Variants in ELMO1 observed in about 807,000 individuals in gnomAD.
ELMO1 encodes engulfment and cell motility protein 1.
Under a neutral mutation model 98.9 loss-of-function variants are expected in ELMO1, and 26 were observed. That is an observed-to-expected ratio of 0.26 (90% confidence interval 0.19 to 0.36). ELMO1 has a LOEUF of 0.36. ELMO1 is among the 10% of genes least tolerant of loss of function. The pLI is 1.00. For synonymous variants in ELMO1, 346 were observed against 346.0 expected (o/e 1.00, Z 0.00); for missense variants, 627 against 935.2 (o/e 0.67, Z 4.30).
intron 13 of ELMO1, among the ~76,000 whole-genome samples, chr7:37,152,828 T>C (rs1341426533): frequency 1.4e-4 from 21 of 152,224 alleles, no homozygotes; most frequent in Admixed American, 2.6e-4. Context: ...TCTACTTAGA[T>C]GTGAGCATGT....
intron 1 of ELMO1, among the ~76,000 whole-genome samples, chr7:37,360,670 C>A (rs1375221562): frequency 6.6e-6 from 1 of 152,140 alleles, no homozygotes; most frequent in Non-Finnish European, 1.5e-5. Context: ...GATTTCAACC[C>A]AATACTCAGC....
chr7:37,296,579 G>T (rs1437570238), intron 4 of ELMO1, among the ~76,000 whole-genome samples: 1 of 152,164 alleles, frequency 6.6e-6, no homozygotes, highest in African/African-American at 2.4e-5. Context: ...CACAGACCCA[G>T]ATCACATTCA....
At chr7:37,419,934 T>C (rs978470625) in intron 1 of ELMO1, among the ~76,000 whole-genome samples, 3 of 152,246 alleles carry the variant, frequency 2.0e-5, no homozygotes, top group Non-Finnish European at 4.4e-5. Context: ...TTTTCACTTA[T>C]ATGCATTTTC....
At chr7:37,318,828 C>T (rs1200900644) in intron 2 of ELMO1, among the ~76,000 whole-genome samples, 2 of 152,174 alleles carry the variant, frequency 1.3e-5, no homozygotes, top group Admixed American at 1.3e-4. Flanking sequence ...ACCTTTTCAC[C>T]GGTCTTACTT....
At chr7:36,934,948 T>C (rs1786382937) in intron 16 of ELMO1, among the ~76,000 whole-genome samples, 1 of 152,200 alleles carries the variant, frequency 6.6e-6, no homozygotes, top group African/African-American at 2.4e-5. Context: ...TCTGGGAGAT[T>C]TGCTATTACT....
intron 14 of ELMO1, among the ~76,000 whole-genome samples, chr7:37,108,233 T>G (rs1391953800): frequency 6.6e-6 from 1 of 152,190 alleles, no homozygotes; most frequent in East Asian, 1.9e-4. Flanking sequence ...TGCCTACTCC[T>G]GCTAGAGGAA....
intron 16 of ELMO1, among the ~76,000 whole-genome samples, chr7:36,895,490 TC>T (rs1238670086): frequency 6.6e-6 from 1 of 152,200 alleles, no homozygotes; most frequent in Non-Finnish European, 1.5e-5. Context: ...CACTCCCCTC[TC>T]CCAGACTGCT....
At chr7:37,305,224 A>G (rs1379126192) in intron 4 of ELMO1, among the ~76,000 whole-genome samples, 1 of 152,230 alleles carries the variant, frequency 6.6e-6, no homozygotes, top group East Asian at 1.9e-4. Context: ...GAGCAGTAAC[A>G]TAATTTTGAG....
At chr7:37,153,971 A>G (rs1047820156) in intron 13 of ELMO1, among the ~76,000 whole-genome samples, 3 of 152,182 alleles carry the variant, frequency 2.0e-5, no homozygotes, top group Admixed American at 6.5e-5. Flanking sequence ...AGGATCAGGC[A>G]GCAATATTTG....
At chr7:36,960,770 A>G (rs1788876092) in intron 16 of ELMO1, among the ~76,000 whole-genome samples, 1 of 152,174 alleles carries the variant, frequency 6.6e-6, no homozygotes, top group African/African-American at 2.4e-5. Context: ...CAGCTTGGAG[A>G]TCCCTTGAAT....
At chr7:36,982,647 C>T (rs1791166218) in intron 16 of ELMO1, among the ~76,000 whole-genome samples, 1 of 152,214 alleles carries the variant, frequency 6.6e-6, no homozygotes, top group Non-Finnish European at 1.5e-5. Context: ...GTTTAAAAAC[C>T]TGTTACCATG....
intron 13 of ELMO1, among the ~76,000 whole-genome samples, chr7:37,165,107 A>G (rs370580182): frequency 7.2e-5 from 11 of 152,184 alleles, no homozygotes; most frequent in South Asian, 2.1e-4. Flanking sequence ...AATTGTGAAT[A>G]GGAGTTCACT....
intron 16 of ELMO1, among the ~76,000 whole-genome samples, chr7:36,978,597 A>G (rs529435834): frequency 4.6e-5 from 7 of 152,312 alleles, no homozygotes; most frequent in Admixed American, 4.6e-4. Flanking sequence ...AGCTATCCAG[A>G]AAGATTTATG....
chr7:37,224,584 TTAAAAG>T (rs1459348007), intron 9 of ELMO1, among the ~76,000 whole-genome samples: 1 of 152,196 alleles, frequency 6.6e-6, no homozygotes, highest in Admixed American at 6.5e-5. Flanking sequence ...TTTTATCTTC[TTAAAAG>T]TAAAACTCTG....
At chr7:37,282,745 C>A (rs1162905966) in intron 4 of ELMO1, among the ~76,000 whole-genome samples, 1 of 152,236 alleles carries the variant, frequency 6.6e-6, no homozygotes, top group East Asian at 1.9e-4. Flanking sequence ...AGGGGCTGCT[C>A]ACCATCAGAA....
intron 2 of ELMO1, among the ~76,000 whole-genome samples, chr7:37,331,213 A>G (rs1459870436): frequency 2.0e-5 from 3 of 150,038 alleles, no homozygotes; most frequent in Non-Finnish European, 1.5e-5. Flanking sequence ...TCTGTCGCCC[A>G]AGTTGGAGTG....
intron 15 of ELMO1, among the ~76,000 whole-genome samples, chr7:37,056,689 C>T (rs1379983708): frequency 2.0e-5 from 3 of 152,192 alleles, no homozygotes; most frequent in Non-Finnish European, 4.4e-5. Flanking sequence ...CAGATGGAAA[C>T]GTCTATCATC....
chr7:37,299,258 CTGTTCACTCTGATGG>C (rs769036953), intron 4 of ELMO1, among the ~76,000 whole-genome samples: 78 of 150,304 alleles, frequency 5.2e-4, no homozygotes, highest in Non-Finnish European at 9.3e-4. Context: ...TGTAGGTTGC[CTGTTCACTCTGATGG>C]TAGTTTCTTT....
intron 16 of ELMO1, among the ~76,000 whole-genome samples, chr7:36,983,899 G>T (rs1791285013): frequency 6.6e-6 from 1 of 151,982 alleles, no homozygotes; most frequent in Non-Finnish European, 1.5e-5. Context: ...CAGAGAGGAG[G>T]TTCATAGCTT....
Sources: allele counts gnomAD v4.1 joint callset (sites outside exome capture counted in the v4.1 genomes callset), GRCh38; gene constraint gnomAD v4.1.1; transcripts MANE v1.5; gene names NCBI Gene and HGNC (gene_info 2026-07-23, HGNC 2026-07-21).